Variants in EXOC4 observed in about 807,000 individuals in gnomAD.
EXOC4 encodes the protein SEC8-like 1.
EXOC4 carries 71 observed loss-of-function variants against 107.2 expected under a neutral mutation model. The ratio of observed to expected loss-of-function variants is 0.66; its 90% CI spans 0.55 to 0.81. The LOEUF (loss-of-function observed/expected upper bound fraction) is 0.81, where lower values mean the gene tolerates loss of function less well. EXOC4 is among the 30% of genes least tolerant of loss of function. The probability of loss-of-function intolerance (pLI) is 0.00; values close to 1 mark genes in which losing one functional copy is unlikely to be tolerated. For synonymous variants in EXOC4, 456 were observed against 441.2 expected, an observed-to-expected ratio of 1.03 and a Z score of -0.42; for missense variants, 1,108 against 1,189.6, an observed-to-expected ratio of 0.93 and a Z score of 1.01.
chr7:133,703,419 C>T (rs1585090237), intron 10 of EXOC4, among the ~76,000 whole-genome samples: 1 of 152,234 alleles, frequency 6.6e-6, no homozygotes, highest in East Asian at 1.9e-4. Flanking sequence ...GTATATGTGG[C>T]ATGAACATGA....
At chr7:133,997,011 G>C in intron 14 of EXOC4, among the ~76,000 whole-genome samples, 1 of 152,200 alleles carries the variant, frequency 6.6e-6, no homozygotes, top group Non-Finnish European at 1.5e-5. Flanking sequence ...GAAGGCAGAT[G>C]TTGGCTTGAT....
rs551054864 is a variant in EXOC4, at chr7:133,520,762, T to G, written c.1417+40624T>G. 3.3e-5 allele frequency among the ~76,000 whole-genome samples: 5 copies of G among 152,282 alleles called. No individual in the cohort carries two copies. The East Asian group carries it at 9.6e-4, about 29-fold the overall frequency. The stretch of plus-strand genomic sequence containing the variant: ...TTGTCTTAATTTTCCCGCTCCCTTC[T>G]CTTTACCTCCTTTTTTCTCTATTCT... On this transcript the variant is annotated intron_variant, in intron 9 of 17. Transcript: ENST00000253861.
intron 5 of EXOC4, among the ~76,000 whole-genome samples, chr7:133,322,279 C>A (rs1020603101): frequency 1.3e-5 from 2 of 151,172 alleles, no homozygotes; most frequent in Non-Finnish European, 3.0e-5. Context: ...GTGTTTTAGA[C>A]AAAGTCTTTG....
intron 10 of EXOC4, among the ~76,000 whole-genome samples, chr7:133,641,703 C>G (rs369496182): frequency 2.6e-5 from 4 of 152,236 alleles, no homozygotes; most frequent in African/African-American, 9.6e-5. Context: ...TTTGCATATT[C>G]TATTTAGTTT....
intron 9 of EXOC4, among the ~76,000 whole-genome samples, chr7:133,527,669 A>G (rs1010906370): frequency 1.3e-5 from 2 of 152,180 alleles, no homozygotes; most frequent in Non-Finnish European, 2.9e-5. Context: ...TAATTATAAC[A>G]GTAGGTTTCG....
intron 9 of EXOC4, among the ~76,000 whole-genome samples, chr7:133,579,330 C>A (rs1249215787): frequency 6.6e-6 from 1 of 152,126 alleles, no homozygotes; most frequent in Non-Finnish European, 1.5e-5. Context: ...TCTTATAATT[C>A]ATCATTTCTT....
At chr7:133,411,157 A>C (rs1797346577) in intron 7 of EXOC4, among the ~76,000 whole-genome samples, 1 of 152,146 alleles carries the variant, frequency 6.6e-6, no homozygotes, top group Admixed American at 6.6e-5. Flanking sequence ...TATACCCCAA[A>C]TTATGGTCAG....
At chr7:134,046,093 G>C (rs1226565341) in intron 17 of EXOC4, among the ~76,000 whole-genome samples, 2 of 152,108 alleles carry the variant, frequency 1.3e-5, no homozygotes, top group Non-Finnish European at 2.9e-5. Context: ...CATACACACA[G>C]TAAACTGCAC....
chr7:133,794,126 T>C (rs975436895), intron 10 of EXOC4, among the ~76,000 whole-genome samples: 2 of 152,212 alleles, frequency 1.3e-5, no homozygotes, highest in African/African-American at 4.8e-5. Context: ...CTAGTTCATT[T>C]TTTTGCTACT....
intron 6 of EXOC4, among the ~76,000 whole-genome samples, chr7:133,362,786 A>G (rs1241639927): frequency 6.6e-6 from 1 of 152,228 alleles, no homozygotes; most frequent in Non-Finnish European, 1.5e-5. Flanking sequence ...GGCTAGATTC[A>G]GGCATGAGTT....
intron 11 of EXOC4, among the ~76,000 whole-genome samples, chr7:133,863,018 A>G (rs1798567415): frequency 6.6e-6 from 1 of 152,218 alleles, no homozygotes; most frequent in South Asian, 2.1e-4. Flanking sequence ...AGCTATAATG[A>G]TAACTATAAA....
intron 10 of EXOC4, among the ~76,000 whole-genome samples, chr7:133,674,211 A>T (rs112115027): frequency 7.2e-4 from 110 of 152,324 alleles, no homozygotes; most frequent in African/African-American, 2.6e-3. Flanking sequence ...ACCAAAAGCA[A>T]TTGCTCGAAA....
intron 15 of EXOC4, 24 bp from the exon 16 acceptor site, chr7:134,004,888 T>C: frequency 6.3e-7 from 1 of 1,593,090 alleles, no homozygotes; most frequent in Non-Finnish European, 8.6e-7. Context: ...TATTAACTGC[T>C]CTCCCTATCT....
Position 133,356,557 on chromosome 7 carries a change from G to A in EXOC4, c.991G>A (p.Val331Met), listed in dbSNP as rs1403613432. 6.2e-7 allele frequency: 1 copy of A among 1,614,008 alleles called. No individual in the cohort carries two copies. The highest frequency in any genetic ancestry group is 2.2e-5 in the East Asian group (1 of 44,880). Reference protein sequence around the residue: ...SGYQRGENVTVENQPRLLLEL... With the variant: ...SGYQRGENVTMENQPRLLLEL... ...CTATCAGCGGGGGGAGAACGTTACT[G>A]TGGAGAACCAACCAAGGTAGGTGGG... is the stretch of plus-strand genomic sequence containing the variant. Residue 331 changes from valine to methionine, a missense_variant, in exon 6 of 18, where the codon GTG (valine) becomes ATG (methionine). Transcript: ENST00000253861.
At chr7:134,059,851 A>G (rs1448249816) in intron 17 of EXOC4, among the ~76,000 whole-genome samples, 3 of 152,226 alleles carry the variant, frequency 2.0e-5, no homozygotes, top group Non-Finnish European at 4.4e-5. Context: ...CATATATTCT[A>G]TATGGCATAT....
chr7:133,901,555 C>T (rs1585235332), intron 12 of EXOC4, among the ~76,000 whole-genome samples: 1 of 152,154 alleles, frequency 6.6e-6, no homozygotes, highest in Admixed American at 6.5e-5. Context: ...TTGATTTCCT[C>T]ATCTGCAAAA....
intron 9 of EXOC4, among the ~76,000 whole-genome samples, chr7:133,505,481 C>T (rs974739939): frequency 5.3e-5 from 8 of 152,092 alleles, no homozygotes; most frequent in African/African-American, 1.9e-4. Context: ...TTTTGGTTAA[C>T]TATGACATCC....
chr7:133,317,373 C>T lies in EXOC4; in HGVS notation c.746C>T (p.Thr249Ile), dbSNP rs1795013666. 2 of 1,604,628 alleles carry T rather than the reference C, an allele frequency of 1.2e-6. No homozygotes were observed. The highest frequency in any genetic ancestry group is 2.2e-5 in the East Asian group (1 of 44,822). The change falls in exon 5 of 18, where the codon ACT becomes ATT. Residue 249 changes from threonine to isoleucine, a missense_variant. Physicochemically the swap from Thr to Ile is moderately conservative, Grantham distance 89 (BLOSUM62 -1). Coordinates refer to ENST00000253861, the MANE Select transcript of EXOC4 (RefSeq NM_021807.4). ...TTCCTTGATACCTCTCACTATTCTACTGCTGGAAGCTCAAGTGGTAAGTAT... is the reference window on the plus strand; with the variant it reads ...TTCCTTGATACCTCTCACTATTCTATTGCTGGAAGCTCAAGTGGTAAGTAT... ...RKFLDTSHYS[T>I]AGSSSVREIN... is the part of the protein sequence containing the mutation.
At chr7:133,995,445 C>T (rs1794366935) in intron 14 of EXOC4, among the ~76,000 whole-genome samples, 1 of 152,144 alleles carries the variant, frequency 6.6e-6, no homozygotes, top group Non-Finnish European at 1.5e-5. Context: ...CTGAAAAGCC[C>T]TAAAATGTTT....
Sources: gnomAD v4.1 joint callset for allele counts (sites outside exome capture counted in the v4.1 genomes callset) on GRCh38, gnomAD v4.1.1 for gene constraint, MANE v1.5 for transcripts, NCBI Gene and HGNC (gene_info 2026-07-23, HGNC 2026-07-21) for gene names.